DPP10: variants seen among roughly 807,000 people sequenced by gnomAD.
DPP10 encodes the protein dipeptidyl peptidase like 10.
Under a neutral mutation model 120.9 loss-of-function variants are expected in DPP10, and 33 were observed. The ratio of observed to expected loss-of-function variants is 0.27; its 90% CI spans 0.21 to 0.37. DPP10 has a LOEUF of 0.37. DPP10 is among the 10% of genes least tolerant of loss of function. DPP10 has a pLI of 1.00. For synonymous variants in DPP10, 337 were observed against 326.1 expected, an observed-to-expected ratio of 1.03 and a Z score of -0.36; for missense variants, 816 against 942.8, an observed-to-expected ratio of 0.87 and a Z score of 1.76.
At chr2:115,839,926 C>T (rs1689917682) in intron 24 of DPP10, among the ~76,000 whole-genome samples, 2 of 151,872 alleles carry the variant, frequency 1.3e-5, no homozygotes, top group African/African-American at 4.8e-5. Context: ...AATAGTTAGT[C>T]CTTGTATAAT....
intron 1 of DPP10, among the ~76,000 whole-genome samples, chr2:114,533,530 T>C (rs1686220338): frequency 6.6e-6 from 1 of 151,646 alleles, no homozygotes. Flanking sequence ...AATACCTAGG[T>C]GATGGGTTAA....
intron 1 of DPP10, among the ~76,000 whole-genome samples, chr2:115,121,453 CA>C (rs1212294150): frequency 3.3e-5 from 5 of 152,194 alleles, no homozygotes; most frequent in Non-Finnish European, 7.3e-5. Context: ...TGTTGATGGC[CA>C]GCAATGTCTG....
At chr2:115,207,917 G>A (rs1462246606) in intron 1 of DPP10, among the ~76,000 whole-genome samples, 1 of 152,074 alleles carries the variant, frequency 6.6e-6, no homozygotes, top group East Asian at 1.9e-4. Flanking sequence ...CTATTGCCTA[G>A]TTATATAACA....
intron 5 of DPP10, among the ~76,000 whole-genome samples, chr2:115,638,280 G>A (rs1185950639): frequency 6.6e-6 from 1 of 152,096 alleles, no homozygotes; most frequent in African/African-American, 2.4e-5. Context: ...GTTGGTAGTG[G>A]GTGATTTTAA....
chr2:115,154,978 G>A (rs1316207176), intron 1 of DPP10, among the ~76,000 whole-genome samples: 4 of 149,734 alleles, frequency 2.7e-5, no homozygotes, highest in East Asian at 3.9e-4. Flanking sequence ...TGCAACCTCC[G>A]CCTCCCGGGT....
At chr2:115,583,929 T>C (rs968062681) in intron 5 of DPP10, among the ~76,000 whole-genome samples, 1 of 152,144 alleles carries the variant, frequency 6.6e-6, no homozygotes, top group Non-Finnish European at 1.5e-5. Context: ...CTGAGGAGGA[T>C]TTCCCTAGGC....
chr2:115,836,632 A>G, intron 23 of DPP10, 42 bp from the exon 24 acceptor site: 3 of 1,610,064 alleles, frequency 1.9e-6, no homozygotes, highest in South Asian at 1.1e-5. Context: ...TAAATGGCTT[A>G]TTTAGATCTA....
At chr2:115,811,787 A>G (rs1326357570) in intron 19 of DPP10, among the ~76,000 whole-genome samples, 1 of 152,136 alleles carries the variant, frequency 6.6e-6, no homozygotes, top group African/African-American at 2.4e-5. Context: ...GTCCATCTAG[A>G]AAATGGGATT....
intron 5 of DPP10, among the ~76,000 whole-genome samples, chr2:115,572,422 A>G (rs2149094449): frequency 6.6e-6 from 1 of 152,338 alleles, no homozygotes; most frequent in Admixed American, 6.5e-5. Context: ...AGTGTGAAGT[A>G]TGGAGAAAAA....
intron 1 of DPP10, among the ~76,000 whole-genome samples, chr2:114,773,919 A>T (rs1681492378): frequency 6.6e-6 from 1 of 152,080 alleles, no homozygotes; most frequent in South Asian, 2.1e-4. Flanking sequence ...TCAAATAGAT[A>T]TCAAAAAGTA....
intron 5 of DPP10, among the ~76,000 whole-genome samples, chr2:115,550,811 G>A (rs2079827054): frequency 6.6e-6 from 1 of 152,084 alleles, no homozygotes; most frequent in Admixed American, 6.6e-5. Context: ...AGAAAGCTGT[G>A]TGTTACATCA....
At chr2:115,623,503 G>C (rs1015250159) in intron 5 of DPP10, among the ~76,000 whole-genome samples, 1 of 152,142 alleles carries the variant, frequency 6.6e-6, no homozygotes, top group Middle Eastern at 3.4e-3. Flanking sequence ...TATTTATTCG[G>C]TATAGTTGTG....
chr2:115,047,456 A>G (rs1705152562), intron 1 of DPP10, among the ~76,000 whole-genome samples: 1 of 151,962 alleles, frequency 6.6e-6, no homozygotes, highest in South Asian at 2.1e-4. Flanking sequence ...ACCTCAGAAA[A>G]TATTTTTCTC....
At chr2:115,576,079 G>C (rs2081636358) in intron 5 of DPP10, among the ~76,000 whole-genome samples, 1 of 152,098 alleles carries the variant, frequency 6.6e-6, no homozygotes, top group Non-Finnish European at 1.5e-5. Flanking sequence ...TGTTGGACTT[G>C]TGACCTATGA....
At chr2:115,816,344 T>C (rs1012872711) in intron 21 of DPP10, among the ~76,000 whole-genome samples, 4 of 152,174 alleles carry the variant, frequency 2.6e-5, no homozygotes, top group African/African-American at 9.7e-5. Context: ...TTTAAACCTA[T>C]ACCTAAATAA....
At chr2:115,425,462 C>T (rs972145555) in intron 3 of DPP10, among the ~76,000 whole-genome samples, 6 of 152,098 alleles carry the variant, frequency 3.9e-5, no homozygotes, top group African/African-American at 1.4e-4. Flanking sequence ...CTAGCAATGA[C>T]ATTTCTAGTA....
chr2:115,689,637 T>G, intron 5 of DPP10, 50 bp from the exon 6 acceptor site: 1 of 1,185,914 alleles, frequency 8.4e-7, no homozygotes, highest in Non-Finnish European at 1.2e-6. Flanking sequence ...TATACATATA[T>G]TCACATTAAG....
At chr2:115,468,876 T>G (rs1306141509) in intron 3 of DPP10, 1 of 416,836 alleles carries the variant, frequency 2.4e-6, no homozygotes, top group Admixed American at 2.6e-5. Context: ...CACAGAAGAC[T>G]GGTCTTCAAC....
At chr2:115,561,103 C>A (rs563482420) in intron 5 of DPP10, among the ~76,000 whole-genome samples, 1 of 152,174 alleles carries the variant, frequency 6.6e-6, no homozygotes, top group African/African-American at 2.4e-5. Context: ...AATCCCAGCA[C>A]TTTGGGAGGC....
Sources: gnomAD v4.1 joint callset for allele counts (sites outside exome capture counted in the v4.1 genomes callset) on GRCh38, gnomAD v4.1.1 for gene constraint, MANE v1.5 for transcripts, NCBI Gene and HGNC (gene_info 2026-07-23, HGNC 2026-07-21) for gene names.